The following ROR1 variants were observed in gnomAD, a reference collection of about 807,000 sequenced individuals.
ROR1 encodes the protein inactive tyrosine-protein kinase transmembrane receptor ROR1.
Under a neutral mutation model 78.8 loss-of-function variants are expected in ROR1, and 19 were observed. The observed-to-expected ratio is 0.24, with a 90% CI of 0.17 to 0.35. The LOEUF (loss-of-function observed/expected upper bound fraction) is 0.35. ROR1 is among the 10% of genes least tolerant of loss of function. The pLI, the probability that ROR1 is intolerant of heterozygous loss-of-function variation, is 1.00. For synonymous variants in ROR1, 386 were observed against 433.6 expected (o/e 0.89, Z 1.36); for missense variants, 917 against 1,177.8 (o/e 0.78, Z 3.24).
At chr1:63,891,327 GA>G (rs1645393999) in intron 1 of ROR1, among the ~76,000 whole-genome samples, 2 of 152,154 alleles carry the variant, frequency 1.3e-5, no homozygotes, top group Admixed American at 1.3e-4. Context: ...AGAGGGATGT[GA>G]AAATATTTCA....
chr1:63,810,754 C>G (rs1467412155), intron 1 of ROR1, among the ~76,000 whole-genome samples: 3 of 152,184 alleles, frequency 2.0e-5, no homozygotes, highest in African/African-American at 7.2e-5. Context: ...TCTCATTTAG[C>G]TGGAACACGG....
At chr1:64,000,317 C>A (rs1331645000) in intron 1 of ROR1, among the ~76,000 whole-genome samples, 1 of 152,152 alleles carries the variant, frequency 6.6e-6, no homozygotes, top group Non-Finnish European at 1.5e-5. Context: ...AGTTTCTGAG[C>A]GAAGCATTCT....
chr1:64,159,685 A>AT (rs879474724), intron 8 of ROR1, among the ~76,000 whole-genome samples: 184 of 133,478 alleles, frequency 1.4e-3, no homozygotes, highest in African/African-American at 4.6e-3. Context: ...TTTTACCACG[A>AT]TTTAAAAAAA....
At chr1:64,014,389 G>A (rs1449984060) in intron 2 of ROR1, among the ~76,000 whole-genome samples, 1 of 151,930 alleles carries the variant, frequency 6.6e-6, no homozygotes, top group Admixed American at 6.6e-5. Context: ...GCCGCTGAAA[G>A]CTACTATTGA....
At chr1:64,119,612 C>G (rs1648450577) in intron 4 of ROR1, among the ~76,000 whole-genome samples, 1 of 141,708 alleles carries the variant, frequency 7.1e-6, no homozygotes, top group African/African-American at 2.7e-5. Flanking sequence ...GCACTCCAGC[C>G]TGGGTGACAG....
At chr1:64,172,778 T>C (rs1051073504) in intron 8 of ROR1, among the ~76,000 whole-genome samples, 5 of 152,208 alleles carry the variant, frequency 3.3e-5, no homozygotes, top group African/African-American at 1.2e-4. Flanking sequence ...GACTTCATTT[T>C]CTTTCATAGT....
chr1:63,837,468 A>G (rs1312040691), intron 1 of ROR1, among the ~76,000 whole-genome samples: 1 of 152,188 alleles, frequency 6.6e-6, no homozygotes, highest in African/African-American at 2.4e-5. Flanking sequence ...CTTTCTGGCC[A>G]GTAGAGCAGG....
intron 1 of ROR1, among the ~76,000 whole-genome samples, chr1:63,998,402 A>G (rs1352452963): frequency 6.6e-6 from 1 of 152,102 alleles, no homozygotes; most frequent in Non-Finnish European, 1.5e-5. Flanking sequence ...AGTGTGAATC[A>G]GAAGCATCCT....
At chr1:64,009,283 C>T (rs1646456320) in intron 1 of ROR1, 22 bp from the exon 2 acceptor site, 1 of 1,576,262 alleles carries the variant, frequency 6.3e-7, no homozygotes, top group Non-Finnish European at 8.7e-7. Flanking sequence ...GTCTTTCTCC[C>T]TTCCCTTCTT....
intron 4 of ROR1, among the ~76,000 whole-genome samples, chr1:64,055,229 C>A (rs1569641090): frequency 6.6e-6 from 1 of 152,186 alleles, no homozygotes; most frequent in East Asian, 1.9e-4. Flanking sequence ...TGTGTGAGAG[C>A]TTTCAGAAGC....
rs75451993 is a variant in ROR1, at chr1:63,834,770, G to A, written c.91+60262G>A. 2.0e-3 allele frequency among the ~76,000 whole-genome samples: 299 copies of A among 152,230 alleles called. 2 individuals carry two copies. The highest frequency in any genetic ancestry group is 6.6e-3 in the African/African-American group (274 of 41,542). ...TGCATTGGTTCCAAGATGGCAAGTG[G>A]ACTACTGTTCCAAGATCTGGGCCCA... On this transcript the variant is annotated intron_variant, in intron 1 of 8. Transcript: ENST00000371079.
At chr1:64,083,348 G>A (rs1400599406) in intron 4 of ROR1, among the ~76,000 whole-genome samples, 1 of 152,128 alleles carries the variant, frequency 6.6e-6, no homozygotes, top group South Asian at 2.1e-4. Context: ...GTGGCTGGCT[G>A]GCCATCAAGT....
chr1:64,153,367 A>G (rs1037289209), intron 7 of ROR1, among the ~76,000 whole-genome samples: 3 of 151,670 alleles, frequency 2.0e-5, no homozygotes, highest in South Asian at 4.2e-4. Flanking sequence ...AATTAAAAAT[A>G]GAATTACCAT....
chr1:63,995,703 C>T (rs1441599337), intron 1 of ROR1, among the ~76,000 whole-genome samples: 2 of 152,094 alleles, frequency 1.3e-5, no homozygotes, highest in African/African-American at 4.8e-5. Context: ...ACATGTATTA[C>T]CCACAAATAA....
At chr1:63,999,047 T>C (rs993587053) in intron 1 of ROR1, among the ~76,000 whole-genome samples, 1 of 152,218 alleles carries the variant, frequency 6.6e-6, no homozygotes, top group Non-Finnish European at 1.5e-5. Context: ...CCACGTGGAA[T>C]TGTGAGTCCA....
chr1:64,113,602 C>G (rs1648198553), intron 4 of ROR1: 1 of 152,048 alleles, frequency 6.6e-6, no homozygotes, highest in South Asian at 2.1e-4. Flanking sequence ...GGGAGAGAGA[C>G]AAGAGAACTT....
chr1:63,979,041 G>A (rs1291529407), intron 1 of ROR1, among the ~76,000 whole-genome samples: 1 of 152,176 alleles, frequency 6.6e-6, no homozygotes, highest in African/African-American at 2.4e-5. Flanking sequence ...TTCTATTCAG[G>A]CCTTTAACTG....
chr1:64,023,373 A>G (rs1022881619), intron 2 of ROR1, among the ~76,000 whole-genome samples: 8 of 152,134 alleles, frequency 5.3e-5, no homozygotes, highest in African/African-American at 1.9e-4. Flanking sequence ...GAATCCAGCT[A>G]AACAGCTTGG....
intron 4 of ROR1, among the ~76,000 whole-genome samples, chr1:64,075,089 G>A (rs956985925): frequency 2.0e-5 from 3 of 151,994 alleles, no homozygotes; most frequent in Non-Finnish European, 4.4e-5. Flanking sequence ...TCCGATTTGG[G>A]GTAACCTTGT....
Sources: gnomAD v4.1 joint callset for allele counts (sites outside exome capture counted in the v4.1 genomes callset) on GRCh38, gnomAD v4.1.1 for gene constraint, MANE v1.5 for transcripts, NCBI Gene and HGNC (gene_info 2026-07-23, HGNC 2026-07-21) for gene names.